SGIP1: variants seen among roughly 807,000 people sequenced by gnomAD.
The protein encoded by SGIP1 is SH3-containing GRB2-like protein 3-interacting protein 1.
In SGIP1, 38 loss-of-function variants were observed where a neutral mutation model predicts 107.5. The observed-to-expected ratio is 0.35, with a 90% CI of 0.27 to 0.46. The LOEUF (loss-of-function observed/expected upper bound fraction) is 0.46, where lower values mean the gene tolerates loss of function less well. Among genes scored for constraint, SGIP1 ranks in the 20% least tolerant of loss-of-function variants. SGIP1 has a pLI of 1.00. For synonymous variants in SGIP1, 365 were observed against 366.1 expected (o/e 1.00, Z 0.03); for missense variants, 929 against 1,019.5 (o/e 0.91, Z 1.21).
intron 1 of SGIP1, among the ~76,000 whole-genome samples, chr1:66,623,807 T>C (rs996214596): frequency 6.6e-6 from 1 of 152,192 alleles, no homozygotes; most frequent in African/African-American, 2.4e-5. Context: ...TGTATTAAGC[T>C]ATGCAATTAG....
chr1:66,660,431 A>G (rs12094526), intron 7 of SGIP1, 82 bp from the exon 8 acceptor site: 650,027 of 1,338,014 alleles, frequency 0.49, 167,533 homozygotes, highest in East Asian at 0.84. Flanking sequence ...GTTATCCTGA[A>G]CCTTGACCTG....
At chr1:66,740,936 T>C (rs76792935) in intron 23 of SGIP1, among the ~76,000 whole-genome samples, 1 of 152,210 alleles carries the variant, frequency 6.6e-6, no homozygotes, top group African/African-American at 2.4e-5. Context: ...CAAACTATCA[T>C]TTAGGCCTCT....
chr1:66,678,998 T>G (rs1055844229), intron 13 of SGIP1, among the ~76,000 whole-genome samples: 1 of 152,210 alleles, frequency 6.6e-6, no homozygotes, highest in Non-Finnish European at 1.5e-5. Flanking sequence ...TTCCAAACTT[T>G]GCCCACAAAG....
intron 1 of SGIP1, among the ~76,000 whole-genome samples, chr1:66,569,004 A>C (rs2060033398): frequency 6.6e-6 from 1 of 152,016 alleles, no homozygotes; most frequent in South Asian, 2.1e-4. Flanking sequence ...AGACCTCAGC[A>C]ATATGCTCAG....
At chr1:66,688,643 T>C (rs968491533) in intron 15 of SGIP1, among the ~76,000 whole-genome samples, 1 of 152,374 alleles carries the variant, frequency 6.6e-6, no homozygotes, top group South Asian at 2.1e-4. Context: ...ATTGATAAAG[T>C]TGGTGCTCAT....
chr1:66,622,599 A>T (rs2071435281), intron 1 of SGIP1, among the ~76,000 whole-genome samples: 1 of 152,180 alleles, frequency 6.6e-6, no homozygotes, highest in African/African-American at 2.4e-5. Context: ...TTCCCACAAC[A>T]CCAAAAGAAG....
intron 1 of SGIP1, among the ~76,000 whole-genome samples, chr1:66,540,231 C>CA (rs34113593): frequency 5.5e-4 from 83 of 150,756 alleles, no homozygotes; most frequent in African/African-American, 1.6e-3. Context: ...TATTGAGATG[C>CA]AAAAAAAAAA....
intron 15 of SGIP1, among the ~76,000 whole-genome samples, chr1:66,683,705 T>C (rs573496575): frequency 7.8e-5 from 6 of 77,066 alleles, no homozygotes; most frequent in South Asian, 1.3e-3. Flanking sequence ...CTTTTCTTTT[T>C]TTTTTTTTTT....
At chr1:66,592,757 C>T (rs2063852867) in intron 1 of SGIP1, among the ~76,000 whole-genome samples, 1 of 152,126 alleles carries the variant, frequency 6.6e-6, no homozygotes, top group Non-Finnish European at 1.5e-5. Context: ...CCTCCCTGAC[C>T]CTACCCCTGG....
chr1:66,626,508 G>T (rs1393298694), intron 2 of SGIP1, among the ~76,000 whole-genome samples: 3 of 152,164 alleles, frequency 2.0e-5, no homozygotes, highest in Non-Finnish European at 4.4e-5. Flanking sequence ...AGAATTAATT[G>T]CCCACAGACA....
chr1:66,659,554 T>G (rs773591594), intron 7 of SGIP1, among the ~76,000 whole-genome samples: 7 of 152,050 alleles, frequency 4.6e-5, no homozygotes, highest in Non-Finnish European at 8.8e-5. Flanking sequence ...CCTCTCAATA[T>G]TACAAGGCAT....
At chr1:66,588,921 C>T (rs866363498) in intron 1 of SGIP1, among the ~76,000 whole-genome samples, 4 of 150,272 alleles carry the variant, frequency 2.7e-5, no homozygotes, top group Non-Finnish European at 5.9e-5. Flanking sequence ...GGTTTGAGAA[C>T]TTTAAAGGTA....
chr1:66,682,479 C>T, intron 15 of SGIP1, 110 bp downstream of exon 15: 1 of 1,346,636 alleles, frequency 7.4e-7, no homozygotes, highest in African/African-American at 1.5e-5. Context: ...CTTCAGCCCT[C>T]ACTCCTCTAG....
intron 4 of SGIP1, 56 bp from the exon 5 acceptor site, chr1:66,639,721 C>A: frequency 7.3e-7 from 1 of 1,368,034 alleles, no homozygotes; most frequent in Non-Finnish European, 1.0e-6. Flanking sequence ...TGTTCTTTGT[C>A]CCTTTGTTTT....
Position 66,666,040 on chromosome 1 carries a change from C to G in SGIP1, c.472-1490C>G, listed in dbSNP as rs534230539. 5.9e-5 allele frequency: 9 copies of G among 152,288 alleles called. No individual in the cohort carries two copies. In the East Asian group the frequency reaches 1.3e-3, roughly 23 times the overall value. 9.4% of individuals were successfully genotyped at this position (152,288 alleles called of 1,614,324 possible). ...CTTTTGGTGTTTTAGTCATGAAGTC[C>G]TTGCCCATGCCTCTGTCCCGAATGG... On this transcript the variant is annotated intron_variant, in intron 8 of 24. Coordinates refer to ENST00000371037, the MANE Select transcript of SGIP1 (RefSeq NM_032291.4).
chr1:66,582,886 C>G (rs1280947582), intron 1 of SGIP1, among the ~76,000 whole-genome samples: 1 of 150,238 alleles, frequency 6.7e-6, no homozygotes. Context: ...AGAGGGGCAA[C>G]AAGATGCTGT....
chr1:66,711,335 T>C (rs2092905496), intron 18 of SGIP1, among the ~76,000 whole-genome samples: 1 of 152,130 alleles, frequency 6.6e-6, no homozygotes. Context: ...TACAACATGA[T>C]GAAGCTGAAA....
intron 1 of SGIP1, among the ~76,000 whole-genome samples, chr1:66,543,168 G>A (rs1162708984): frequency 6.6e-6 from 1 of 152,144 alleles, no homozygotes; most frequent in Non-Finnish European, 1.5e-5. Flanking sequence ...ACAATTTTCT[G>A]AGGAAGAGCG....
chr1:66,595,453 A>T (rs2064458739), intron 1 of SGIP1, among the ~76,000 whole-genome samples: 1 of 152,190 alleles, frequency 6.6e-6, no homozygotes, highest in South Asian at 2.1e-4. Context: ...ATAGCTGAAA[A>T]CATATTATTT....
Sources: gnomAD v4.1 joint callset for allele counts (sites outside exome capture counted in the v4.1 genomes callset) on GRCh38, gnomAD v4.1.1 for gene constraint, MANE v1.5 for transcripts, NCBI Gene and HGNC (gene_info 2026-07-23, HGNC 2026-07-21) for gene names.